The following USP6 variants were observed in gnomAD, a reference collection of about 807,000 sequenced individuals.
USP6 encodes the protein ubiquitin specific peptidase 6.
In USP6, 128 loss-of-function variants were observed where a neutral mutation model predicts 175.7. The ratio of observed to expected loss-of-function variants is 0.73; its 90% confidence interval spans 0.63 to 0.84. The LOEUF is 0.84. Among genes scored for constraint, USP6 ranks in the 40% least tolerant of loss-of-function variants. The probability of loss-of-function intolerance (pLI) is 0.00; values close to 1 mark genes in which losing one functional copy is unlikely to be tolerated. For missense variants in USP6, 1,498 were observed against 1,760.3 expected (o/e 0.85, Z 2.67); for synonymous variants, 562 against 630.6 (o/e 0.89, Z 1.63).
rs773948588 is a variant in USP6, at chr17:5,148,834, G to T, written c.2643+67G>T. 7.7e-4 allele frequency: 1,214 copies of T among 1,572,752 alleles called. 1 individual carries two copies. Among genetic ancestry groups the T allele is most frequent in the South Asian group, 1.7e-3 (145 of 85,260 alleles). ...GTCATTTGTGAAATAGCCATTTTCT[G>T]TCTTTGCAACATCATTGAATGCATT... On this transcript the variant is annotated intron_variant, in intron 30 of 37. Coordinates refer to ENST00000574788, the MANE Select transcript of USP6 (RefSeq NM_001304284.2).
Position 5,155,420 on chromosome 17 carries a change from A to G in USP6, c.2644-2A>G, listed in dbSNP as rs756337454. ...ACTCTCTATTCTCGTTTGTACATAC[A>G]GATGAGGACAGAACTGTATTTCCTG... is the stretch of plus-strand genomic sequence containing the variant. On this transcript the variant is annotated splice_acceptor_variant, in intron 30 of 37. Transcript: ENST00000574788. LOFTEE classifies it high-confidence loss of function. The G allele has an allele frequency of 1.2e-6, 2 of 1,612,966 alleles. No homozygotes were observed. The highest frequency in any genetic ancestry group is 1.3e-5 in the African/African-American group (1 of 74,906).
chr17:5,151,749 A>G lies in USP6; in HGVS notation c.2643+2982A>G, dbSNP rs138090740. Among the ~76,000 whole-genome samples the G allele has an allele frequency of 2.3e-4, 35 of 152,308 alleles. No homozygotes were observed. The South Asian group carries it at 2.5e-3, about 11-fold the overall frequency. The stretch of plus-strand genomic sequence containing the variant: ...GAGAACATTGCAGGGTGGTGAGAGA[A>G]AGTTTTCTCAGCAAGTGGTGCTGGG... On this transcript the variant is annotated intron_variant, in intron 30 of 37. Coordinates refer to ENST00000574788, the MANE Select transcript of USP6 (RefSeq NM_001304284.2).
rs1329007630 is a variant in USP6, at chr17:5,170,575, G to A, written c.3614G>A (p.Gly1205Glu). 6.2e-7 allele frequency: 1 copy of A among 1,612,330 alleles called. No homozygotes were observed. Among genetic ancestry groups the A allele is most frequent in the South Asian group, 1.1e-5 (1 of 91,002 alleles). ...CCACGGACTTTGGGGAGGAGCAAAGGGAGGCTCCGGCTGCCCCAGATTGGC... is the reference window on the plus strand; with the variant it reads ...CCACGGACTTTGGGGAGGAGCAAAGAGAGGCTCCGGCTGCCCCAGATTGGC... ...SSPRTLGRSK[G>E]RLRLPQIGSK... The change falls in exon 36 of 38, where the codon GGG becomes GAG. Residue 1205 changes from glycine (G) to glutamate (E), a missense_variant. Gly to Glu is a moderately conservative substitution (Grantham distance 98). Transcript: ENST00000574788.
At chr17:5,138,368 T>G in intron 21 of USP6, 95 bp downstream of exon 21, 1 of 1,584,862 alleles carries the variant, frequency 6.3e-7, no homozygotes, top group Non-Finnish European at 8.6e-7. Flanking sequence ...ACCTGGGCCT[T>G]CCTCTTCACC....
rs543737679 is a variant in USP6 at position 5,148,868 on chromosome 17, T to G, written c.2643+101T>G. 3.3e-6 allele frequency: 5 copies of G among 1,498,440 alleles called. No homozygotes were observed. The East Asian group carries it at 9.5e-5, about 29-fold the overall frequency. The allele number at this position is 1,498,440 out of a possible 1,614,324, so 92.8% of individuals were successfully genotyped here. On this transcript the variant is annotated intron_variant, in intron 30 of 37. Coordinates refer to ENST00000574788, the MANE Select transcript of USP6 (RefSeq NM_001304284.2). ...ACATCATTGAATGCATTTTCTTCTC[T>G]TTTTTCTTTAATTTTTAAAAATTTA...
At position 5,120,704 on chromosome 17, in the gene USP6, C is replaced by CTGGA. The variant is rs1376541264; in HGVS notation, c.-1757_-1754dup. The stretch of plus-strand genomic sequence containing the variant: ...ACACTGTGCCTGGAGTGAACCTGAG[C>CTGGA]TGGATCCTGAATGAGATGCATGACC... On this transcript the variant is annotated 5_prime_UTR_variant, in exon 3 of 38. It adds an upstream start codon to the 5' untranslated region. Transcript: ENST00000574788. 1 of 422,858 alleles carries CTGGA rather than the reference C, an allele frequency of 2.4e-6. No individual in the cohort carries two copies. The highest frequency in any genetic ancestry group is 4.7e-6 in the Non-Finnish European group (1 of 211,904). The allele number at this position is 422,858 out of a possible 1,614,324, so 26.2% of individuals were successfully genotyped here.
chr17:5,156,298 CTTTTCTTTTTTTT>C (rs762142706), intron 31 of USP6, among the ~76,000 whole-genome samples: 7 of 150,542 alleles, frequency 4.6e-5, no homozygotes, highest in Admixed American at 1.3e-4. Flanking sequence ...AGATCATTTT[CTTTTCTTTTTTTT>C]TTTTCTTTTC....
intron 25 of USP6, among the ~76,000 whole-genome samples, chr17:5,143,192 T>C (rs1260344964): frequency 5.3e-5 from 8 of 152,190 alleles, no homozygotes; most frequent in Admixed American, 2.6e-4. Context: ...CGCCTCTGCC[T>C]GGCCGCCCCT....
At chr17:5,153,202 G>A (rs1006553883) in intron 30 of USP6, among the ~76,000 whole-genome samples, 2 of 152,200 alleles carry the variant, frequency 1.3e-5, no homozygotes, top group Non-Finnish European at 2.9e-5. Flanking sequence ...AAGCAAATGG[G>A]AGGCTTTTGA....
chr17:5,169,812 T>C lies in USP6; in HGVS notation c.3518-667T>C, dbSNP rs536157450. 5.5e-4 allele frequency among the ~76,000 whole-genome samples: 83 copies of C among 152,180 alleles called. 1 individual carries two copies. Among genetic ancestry groups the C allele is most frequent in the Non-Finnish European group, 9.6e-4 (65 of 68,000 alleles). Reference sequence around the variant, plus strand: ...CTTTTTTTCTCTCACAGATGTACAATGGTGTAAGAGAAAACATGACATGGA... The same window carrying C: ...CTTTTTTTCTCTCACAGATGTACAACGGTGTAAGAGAAAACATGACATGGA... On this transcript the variant is annotated intron_variant, in intron 35 of 37. Transcript: ENST00000574788.
chr17:5,149,881 G>A (rs1240501573), intron 30 of USP6, among the ~76,000 whole-genome samples: 1 of 152,068 alleles, frequency 6.6e-6, no homozygotes, highest in Non-Finnish European at 1.5e-5. Flanking sequence ...CGGGTATAGT[G>A]GCAACTTGGT....
At chr17:5,155,289 TA>T in intron 30 of USP6, 132 bp from the exon 31 acceptor site, 1 of 1,109,768 alleles carries the variant, frequency 9.0e-7, no homozygotes, top group Non-Finnish European at 1.3e-6. Flanking sequence ...GATGGTTTTA[TA>T]AACATAGAGA....
chr17:5,126,650 CCT>C (rs929841272), intron 6 of USP6: 8 of 152,334 alleles, frequency 5.3e-5, no homozygotes, highest in African/African-American at 1.7e-4. Context: ...AATTTCTCTT[CCT>C]CTCTCTCATT....
chr17:5,130,213 T>C, intron 9 of USP6, 124 bp downstream of exon 9: 2 of 676,334 alleles, frequency 3.0e-6, no homozygotes, highest in Non-Finnish European at 5.2e-6. Flanking sequence ...CCCATGGAGG[T>C]GTGGGCCATG....
chr17:5,150,386 TAGC>T (rs1251090090), intron 30 of USP6, among the ~76,000 whole-genome samples: 1 of 151,554 alleles, frequency 6.6e-6, no homozygotes, highest in African/African-American at 2.4e-5. Flanking sequence ...ATTGATTGTA[TAGC>T]AGCAACAAGA....
intron 33 of USP6, among the ~76,000 whole-genome samples, chr17:5,167,317 G>A (rs1352519651): frequency 1.3e-5 from 2 of 152,174 alleles, no homozygotes; most frequent in African/African-American, 4.8e-5. Context: ...CAGCTCACAT[G>A]TAACCCCTTA....
chr17:5,163,075 C>G, intron 33 of USP6, 71 bp downstream of exon 33: 1 of 1,472,648 alleles, frequency 6.8e-7, no homozygotes, highest in Non-Finnish European at 9.0e-7. Context: ...ACTATTATGC[C>G]ATTTCTGTTT....
rs576077149 is a variant in USP6, at chr17:5,135,947, G to A, written c.664+19G>A. On this transcript the variant is annotated intron_variant, in intron 17 of 37. Transcript: ENST00000574788. The stretch of plus-strand genomic sequence containing the variant: ...CTGCCAGGTAGGTGAACAGCTGCCC[G>A]TGGGGCCTCACGCAGCCAGACCCGG... The A allele has an allele frequency of 1.8e-4, 293 of 1,597,642 alleles. No homozygotes were observed. The highest frequency in any genetic ancestry group is 2.4e-4 in the Non-Finnish European group (278 of 1,179,682).
intron 2 of USP6, among the ~76,000 whole-genome samples, chr17:5,120,112 A>C (rs1204671670): frequency 6.6e-6 from 1 of 151,786 alleles, no homozygotes; most frequent in Non-Finnish European, 1.5e-5. Flanking sequence ...GGGGAAGCCT[A>C]CTCCCCAAGA....
Sources: allele counts gnomAD v4.1 joint callset (sites outside exome capture counted in the v4.1 genomes callset), GRCh38; gene constraint gnomAD v4.1.1; transcripts MANE v1.5; gene names NCBI Gene and HGNC (gene_info 2026-07-23, HGNC 2026-07-21).